The following FLG2 variants were observed in gnomAD, a reference collection of about 807,000 sequenced individuals.
FLG2 encodes filaggrin-2.
A neutral mutation model predicts 3.9 loss-of-function variants in FLG2; 7 were observed. The ratio of observed to expected loss-of-function variants is 1.79; its 90% CI spans 1.02 to 3.36. The LOEUF is 3.36. FLG2 is among the 30% of genes most tolerant of loss of function. The pLI, the probability that FLG2 is intolerant of heterozygous loss-of-function variation, is 0.00. For synonymous variants in FLG2, 1,031 were observed against 1,056.1 expected (o/e 0.98, Z 0.46); for missense variants, 2,700 against 2,809.4 (o/e 0.96, Z 0.88).
At position 152,357,626 on chromosome 1, in the gene FLG2, C is replaced by T; in HGVS notation, c.160G>A (p.Val54Met). ...VLKNPDDPDTVDVIMHMLDRD... is the reference protein window; with the variant it reads ...VLKNPDDPDTMDVIMHMLDRD... ...TCCAGCATATGCATGATGACATCCA[C>T]TGTGTCTGGATCATCTGGGTTCTGT... Residue 54 changes from valine to methionine, a missense_variant, in exon 3 of 3, where the codon GTG becomes ATG. Val to Met is a conservative substitution (Grantham distance 21). Transcript: ENST00000388718. 1 of 1,613,076 alleles carries T rather than the reference C, an allele frequency of 6.2e-7. No individual in the cohort carries two copies. Among genetic ancestry groups the T allele is most frequent in the Non-Finnish European group, 8.5e-7 (1 of 1,179,482 alleles).
At position 152,352,204 on chromosome 1, in the gene FLG2, C is replaced by T. The variant is rs1653968731; in HGVS notation, c.5582G>A (p.Gly1861Asp). ...TGDTSGHSQSGHGQSTQSGSS... is the reference protein window; with the variant it reads ...TGDTSGHSQSDHGQSTQSGSS... ...TCCTGACTGTGTGGACTGTCCATGA[C>T]CAGATTGAGAATGTCCACTGGTATC... The change falls in exon 3 of 3, where the codon GGT becomes GAT. Residue 1861 changes from glycine to aspartate, a missense_variant. Coordinates refer to ENST00000388718, the MANE Select transcript of FLG2 (RefSeq NM_001014342.3). The T allele has an allele frequency of 6.2e-7, 1 of 1,613,746 alleles. No individual in the cohort carries two copies. The highest frequency in any genetic ancestry group is 1.6e-4 in the Middle Eastern group (1 of 6,062).
Position 152,357,383 on chromosome 1 carries a change from T to C in FLG2, c.403A>G (p.Ser135Gly). The C allele has an allele frequency of 6.2e-7, 1 of 1,614,140 alleles. No individual in the cohort carries two copies. The highest frequency in any genetic ancestry group is 1.1e-5 in the South Asian group (1 of 91,070). ...HKSGYRHSSW[S>G]EGEEHGYSSG... ...CTATATCCATGCTCCTCTCCCTCACTCCAACTTGAATGTCTGTAACCTGAT... is the reference window on the plus strand; with the variant it reads ...CTATATCCATGCTCCTCTCCCTCACCCCAACTTGAATGTCTGTAACCTGAT... The change falls in exon 3 of 3, where the codon AGT (serine) becomes GGT (glycine). Residue 135 changes from serine (S) to glycine (G), a missense_variant. Coordinates refer to ENST00000388718, the MANE Select transcript of FLG2 (RefSeq NM_001014342.3).
chr1:152,354,183 C>G lies in FLG2; in HGVS notation c.3603G>C (p.Gln1201His). Residue 1201 changes from glutamine (Q) to histidine (H), a missense_variant, in exon 3 of 3, where the codon CAG becomes CAC. Coordinates refer to ENST00000388718, the MANE Select transcript of FLG2 (RefSeq NM_001014342.3). ...AACCATATTGGCCAAATCCAGTGGA[C>G]TGACCTGAGTCAGATATATGTTGTC... ...SSGQHISDSG[Q>H]STGFGQYGSG... is the part of the protein sequence containing the mutation. 1 of 1,614,248 alleles carries G rather than the reference C, an allele frequency of 6.2e-7. No individual in the cohort carries two copies. Among genetic ancestry groups the G allele is most frequent in the African/African-American group, 1.3e-5 (1 of 75,066 alleles).
Position 152,357,664 on chromosome 1 carries a change from C to T in FLG2, c.139-17G>A. The stretch of plus-strand genomic sequence containing the variant: ...ATCTGGGTTCTGTATATGAGTGACA[C>T]ACCAAGGGAGACCTGGTCAGCCTAA... On this transcript the variant is annotated splice_polypyrimidine_tract_variant and intron_variant, in intron 2 of 2. Coordinates refer to ENST00000388718, the MANE Select transcript of FLG2 (RefSeq NM_001014342.3). The T allele has an allele frequency of 6.3e-7, 1 of 1,588,722 alleles. No individual in the cohort carries two copies. Among genetic ancestry groups the T allele is most frequent in the South Asian group, 1.1e-5 (1 of 87,794 alleles).
chr1:152,358,435 A>G (rs762265496), intron 2 of FLG2, among the ~76,000 whole-genome samples: 3 of 151,444 alleles, frequency 2.0e-5, no homozygotes, highest in Non-Finnish European at 4.4e-5. Flanking sequence ...TTTTTTTTCC[A>G]TTTGATAGGA....
Position 152,358,766 on chromosome 1 carries a change from T to A in FLG2, c.119A>T (p.Glu40Val). ...KGELKELLEKELHPVLKNPDD... is the reference protein window; with the variant it reads ...KGELKELLEKVLHPVLKNPDD... ...TCTCACCTTCAGAACTGGATGAAGC[T>A]CTTTCTCCAGAAGTTCCTTTAGTTC... The change falls in exon 2 of 3, where the codon GAG becomes GTG. Residue 40 changes from glutamate to valine, a missense_variant. Glu to Val is a moderately radical substitution (Grantham distance 121). Transcript: ENST00000388718. The A allele has an allele frequency of 2.5e-6, 4 of 1,613,678 alleles. No individual in the cohort carries two copies. The highest frequency in any genetic ancestry group is 3.4e-6 in the Non-Finnish European group (4 of 1,179,800).
rs753454751 is a variant in FLG2 at position 152,355,618 on chromosome 1, TC to T, written c.2167del (p.Glu723SerfsTer2). 1 of 1,608,794 alleles carries T rather than the reference TC, an allele frequency of 6.2e-7. No homozygotes were observed. Among genetic ancestry groups the T allele is most frequent in the East Asian group, 2.2e-5 (1 of 44,480 alleles). ...GCTGGAAGACTGACCTGAGCTTAACTCGTGTTGTCCAAATCCAGATGTCTGT... is the reference window on the plus strand; with the variant it reads ...GCTGGAAGACTGACCTGAGCTTAACTGTGTTGTCCAAATCCAGATGTCTGT... The part of the protein sequence containing the change: ...SGQTSGFGQH[E>X]LSSGQSSSFG... On this transcript the variant is annotated frameshift_variant, in exon 3 of 3. Transcript: ENST00000388718. LOFTEE classifies it low-confidence loss of function (END_TRUNC).
In FLG2 at chr1:152,356,740, G is replaced by A. The variant is rs1441003224; in HGVS notation, c.1046C>T (p.Ser349Phe). 6.2e-7 allele frequency: 1 copy of A among 1,613,836 alleles called. No individual in the cohort carries two copies. The highest frequency in any genetic ancestry group is 8.5e-7 in the Non-Finnish European group (1 of 1,180,048). ...AGCTCCATATCCTCTCTGACTATAGGACTGACTACAGGGGTTAGACTCAGG... is the reference window on the plus strand; with the variant it reads ...AGCTCCATATCCTCTCTGACTATAGAACTGACTACAGGGGTTAGACTCAGG... Reference protein sequence around the residue: ...GQPESNPCSQSYSQRGYGARE... With the variant: ...GQPESNPCSQFYSQRGYGARE... Residue 349 changes from serine (S) to phenylalanine (F), a missense_variant, in exon 3 of 3, where the codon TCC (serine) becomes TTC (phenylalanine). Ser to Phe is a radical substitution (Grantham distance 155). Transcript: ENST00000388718.
At chr1:152,359,536 C>T (rs2101683752) in intron 1 of FLG2, among the ~76,000 whole-genome samples, 1 of 152,248 alleles carries the variant, frequency 6.6e-6, no homozygotes, top group Non-Finnish European at 1.5e-5. Context: ...AGAAGAAGAG[C>T]TCAGCAATGC....
Position 152,352,836 on chromosome 1 carries a change from T to C in FLG2, c.4950A>G (p.Arg1650=). ...TGTCACTGGACTCACTGTGGCTAGA[T>C]CTCTGTCTTCCAGTTGTCCTGGACC... ...QRGSRTTGRQ[R]SSHSESSDSE... is the part of the protein sequence containing the mutation. Residue 1650 remains arginine, a synonymous_variant, in exon 3 of 3, where the codon AGA becomes AGG. Coordinates refer to ENST00000388718, the MANE Select transcript of FLG2 (RefSeq NM_001014342.3). 1 of 1,613,700 alleles carries C rather than the reference T, an allele frequency of 6.2e-7. No individual in the cohort carries two copies. The highest frequency in any genetic ancestry group is 8.5e-7 in the Non-Finnish European group (1 of 1,179,920).
Position 152,353,794 on chromosome 1 carries a change from T to G in FLG2, c.3992A>C (p.Gln1331Pro), listed in dbSNP as rs772882106. The change falls in exon 3 of 3, where the codon CAG (glutamine) becomes CCG (proline). Residue 1331 changes from glutamine (Q) to proline (P), a missense_variant. Transcript: ENST00000388718. The part of the protein sequence containing the change: ...TTRHGHSGHG[Q>P]STQTGSRTSG... ...TGTTCTGGAACCTGTCTGTGTAGACTGTCCATGACCAGAATGGCCATGTCT... is the reference window on the plus strand; with the variant it reads ...TGTTCTGGAACCTGTCTGTGTAGACGGTCCATGACCAGAATGGCCATGTCT... The G allele has an allele frequency of 1.2e-6, 2 of 1,613,988 alleles. No homozygotes were observed. Among genetic ancestry groups the G allele is most frequent in the Non-Finnish European group, 1.7e-6 (2 of 1,179,898 alleles).
chr1:152,353,382 A>G lies in FLG2; in HGVS notation c.4404T>C (p.Thr1468=), dbSNP rs1434909847. The change falls in exon 3 of 3, where the codon ACT becomes ACC. Residue 1468 remains threonine, a synonymous_variant. Coordinates refer to ENST00000388718, the MANE Select transcript of FLG2 (RefSeq NM_001014342.3). Reference sequence around the variant, plus strand: ...TAGTGGTATCTCCTGTCTGTCCATGAGTAGTTCCGTGTCTCCCATGAACTG... The same window carrying G: ...TAGTGGTATCTCCTGTCTGTCCATGGGTAGTTCCGTGTCTCCCATGAACTG... ...GSTVHGRHGT[T]HGQTGDTTRH... 3 of 1,612,328 alleles carry G rather than the reference A, an allele frequency of 1.9e-6. No individual in the cohort carries two copies. Among genetic ancestry groups the G allele is most frequent in the Non-Finnish European group, 2.5e-6 (3 of 1,179,754 alleles).
Position 152,349,111 on chromosome 1 carries a change from C to G in FLG2, c.*1499G>C, listed in dbSNP as rs1653811353. 1 of 151,982 alleles carries G rather than the reference C, an allele frequency of 6.6e-6. No homozygotes were observed. The highest frequency in any genetic ancestry group is 2.1e-4 in the South Asian group (1 of 4,792). The allele number at this position is 151,982 out of a possible 1,614,324, so 9.4% of individuals were successfully genotyped here. On this transcript the variant is annotated 3_prime_UTR_variant, in exon 3 of 3. Coordinates refer to ENST00000388718, the MANE Select transcript of FLG2 (RefSeq NM_001014342.3). ...TATTATATAGTTCTGAATATAGCCC[C>G]AAATGGTGTTTATCTTTTTCTTCCA...
At position 152,355,824 on chromosome 1, in the gene FLG2, G is replaced by A; in HGVS notation, c.1962C>T (p.Gly654=). ...CTGAGCCTGATCCATATTGGCCAAA[G>A]CCAGTGGATTGACTTGAGCCTGACC... ...QHGSGSSQST[G]FGQYGSGSGQ... The change falls in exon 3 of 3, where the codon GGC becomes GGT. Residue 654 remains glycine, a synonymous_variant. Coordinates refer to ENST00000388718, the MANE Select transcript of FLG2 (RefSeq NM_001014342.3). 1 of 1,613,112 alleles carries A rather than the reference G, an allele frequency of 6.2e-7. No homozygotes were observed.
Position 152,351,990 on chromosome 1 carries a change from A to T in FLG2, c.5796T>A (p.His1932Gln). ...TGGTTTGTCCATGACTAGGGTGGCC[A>T]TGTTCAGTGGTATCTCCTGTCTGTC... ...THGQTGDTTE[H>Q]GHPSHGQTIQ... Residue 1932 changes from histidine (H) to glutamine (Q), a missense_variant, in exon 3 of 3, where the codon CAT becomes CAA. Transcript: ENST00000388718. 6.2e-7 allele frequency: 1 copy of T among 1,613,480 alleles called. No individual in the cohort carries two copies. The highest frequency in any genetic ancestry group is 8.5e-7 in the Non-Finnish European group (1 of 1,179,868).
At position 152,350,812 on chromosome 1, in the gene FLG2, G is replaced by T. The variant is rs183397787; in HGVS notation, c.6974C>A (p.Ala2325Glu). ...ACTACTATGTGACTGAAAATGACTTGCTCTACTAGATCTGGAACCTGTCTG... is the reference window on the plus strand; with the variant it reads ...ACTACTATGTGACTGAAAATGACTTTCTCTACTAGATCTGGAACCTGTCTG... ...STQTGSRSSR[A>E]SHFQSHSSER... Residue 2325 changes from alanine (A) to glutamate (E), a missense_variant, in exon 3 of 3, where the codon GCA becomes GAA. Physicochemically the swap from Ala to Glu is moderately radical, Grantham distance 107 (BLOSUM62 -1). Transcript: ENST00000388718. 1.3e-4 allele frequency: 213 copies of T among 1,614,148 alleles called. 1 individual carries two copies. The highest frequency in any genetic ancestry group is 5.2e-4 in the Admixed American group (31 of 60,018).
rs1341034205 is a variant in FLG2 at position 152,354,089 on chromosome 1, G to A, written c.3697C>T (p.His1233Tyr). The change falls in exon 3 of 3, where the codon CAT becomes TAT. Residue 1233 changes from histidine (H) to tyrosine (Y), a missense_variant. Transcript: ENST00000388718. ...SQQVESGSTV[H>Y]GRQETTHGQT... is the part of the protein sequence containing the mutation. The stretch of plus-strand genomic sequence containing the variant: ...CCATGAGTAGTTTCCTGTCTCCCAT[G>A]AACTGTGGATCCTGACTCTACTTGT... The A allele has an allele frequency of 6.2e-7, 1 of 1,614,130 alleles. No individual in the cohort carries two copies. Among genetic ancestry groups the A allele is most frequent in the African/African-American group, 1.3e-5 (1 of 74,942 alleles).
chr1:152,353,615 T>C lies in FLG2; in HGVS notation c.4171A>G (p.Thr1391Ala), dbSNP rs781691867. Residue 1391 changes from threonine to alanine, a missense_variant, in exon 3 of 3, where the codon ACT becomes GCT. By Grantham distance (58) the Thr-to-Ala change is moderately conservative. Transcript: ENST00000388718. ...ESTVHERHET[T>A]YGQTGEATGH... is the part of the protein sequence containing the mutation. ...GTGGCCTCTCCTGTCTGTCCATAAGTAGTTTCATGTCTCTCATGAACTGTG... is the reference window on the plus strand; with the variant it reads ...GTGGCCTCTCCTGTCTGTCCATAAGCAGTTTCATGTCTCTCATGAACTGTG... 1 of 1,614,110 alleles carries C rather than the reference T, an allele frequency of 6.2e-7. No homozygotes were observed. The highest frequency in any genetic ancestry group is 1.1e-5 in the South Asian group (1 of 91,084).
In FLG2 at chr1:152,352,426, T is replaced by C; in HGVS notation, c.5360A>G (p.Gln1787Arg). ...TTRHAHSGHG[Q>R]STQTGSRTTG... ...GGTCCTGGACCCTGTCTGTGTGGACTGTCCATGACCAGAGTGGGCATGTCT... is the reference window on the plus strand; with the variant it reads ...GGTCCTGGACCCTGTCTGTGTGGACCGTCCATGACCAGAGTGGGCATGTCT... The change falls in exon 3 of 3, where the codon CAG becomes CGG. Residue 1787 changes from glutamine (Q) to arginine (R), a missense_variant. Gln to Arg is a conservative substitution (Grantham distance 43, BLOSUM62 1). Coordinates refer to ENST00000388718, the MANE Select transcript of FLG2 (RefSeq NM_001014342.3). 6 of 1,611,844 alleles carry C rather than the reference T, an allele frequency of 3.7e-6. No individual in the cohort carries two copies. The highest frequency in any genetic ancestry group is 2.2e-5 in the East Asian group (1 of 44,784).
Sources: allele counts gnomAD v4.1 joint callset (sites outside exome capture counted in the v4.1 genomes callset), GRCh38; gene constraint gnomAD v4.1.1; transcripts MANE v1.5; gene names NCBI Gene and HGNC (gene_info 2026-07-23, HGNC 2026-07-21).